Variants in SLC39A3 observed in about 807,000 individuals in gnomAD.
SLC39A3 encodes solute carrier family 39 member 3.
A neutral mutation model predicts 5.1 loss-of-function variants in SLC39A3; 3 were observed. That is an observed-to-expected ratio of 0.59 (90% CI 0.27 to 1.54). The LOEUF is 1.54. Among genes scored for constraint, SLC39A3 ranks in the 40% most tolerant of loss-of-function variants. SLC39A3 has a pLI of 0.12. For synonymous variants in SLC39A3, 250 were observed against 218.8 expected, an observed-to-expected ratio of 1.14 and a Z score of -1.26; for missense variants, 412 against 436.4, an observed-to-expected ratio of 0.94 and a Z score of 0.50.
chr19:2,735,040 G>A lies in SLC39A3; in HGVS notation c.211-1555C>T, dbSNP rs1914317016. ...CCAGCCCGAGGACAGGAGAACGGCG[G>A]GAAAGGTTTGGGTGCCATGAGAAGG... On this transcript the variant is annotated intron_variant, in intron 2 of 2. Transcript: ENST00000269740. The surrounding 1 kb of genome is among the most constrained non-coding windows in gnomAD (Gnocchi z 5.7). 1.0e-6 allele frequency: 1 copy of A among 985,470 alleles called. No individual in the cohort carries two copies. 61.0% of individuals were successfully genotyped at this position (985,470 alleles called of 1,614,324 possible). A position where few individuals can be genotyped will look rare whatever the true frequency, so the allele number is the denominator to read the frequency against.
rs942829626 is a variant in SLC39A3, at chr19:2,733,965, C to T, written c.211-480G>A. On this transcript the variant is annotated intron_variant, in intron 2 of 2. Coordinates refer to ENST00000269740, the MANE Select transcript of SLC39A3 (RefSeq NM_144564.5). This position sits in a 1 kb window ranked among gnomAD's most constrained non-coding sequence, Gnocchi z 6.1. ...CAAAATAAACACATAAAGAGCTGCA[C>T]TGGCCTTGCGTGTTCTGCCGCGGGG... Among the ~76,000 whole-genome samples the T allele has an allele frequency of 7.2e-5, 11 of 152,228 alleles. No individual in the cohort carries two copies. The highest frequency in any genetic ancestry group is 1.9e-4 in the African/African-American group (8 of 41,460).
Position 2,732,948 on chromosome 19 carries a change from TGCCCAG to T in SLC39A3, c.742_747del (p.Leu248_Gly249del). On this transcript the variant is annotated inframe_deletion, in exon 3 of 3. Transcript: ENST00000269740. Reference sequence around the variant, plus strand: ...CCCGGCACGCCCTGGGCGCTCTCAATGCCCAGGCCCAGGCCGATGCCCAGGGGGATC... The same window carrying T: ...CCCGGCACGCCCTGGGCGCTCTCAATGCCCAGGCCGATGCCCAGGGGGATC... 6.2e-7 allele frequency: 1 copy of T among 1,607,724 alleles called. No individual in the cohort carries two copies. The highest frequency in any genetic ancestry group is 8.5e-7 in the Non-Finnish European group (1 of 1,177,238).
chr19:2,736,623 G>T, intron 2 of SLC39A3: 1 of 827,494 alleles, frequency 1.2e-6, no homozygotes, highest in Non-Finnish European at 1.6e-6. Flanking sequence ...CTGAAGCAGT[G>T]CCCAGACCCC....
Position 2,735,647 on chromosome 19 carries a change from C to T in SLC39A3, c.210+1401G>A, listed in dbSNP as rs184937115. ...ACCCCCTCCCTTTTGATGAACTCAG[C>T]GCTAACCGATCTGGGGCGGTCATCA... On this transcript the variant is annotated intron_variant, in intron 2 of 2. Coordinates refer to ENST00000269740, the MANE Select transcript of SLC39A3 (RefSeq NM_144564.5). This position sits in a 1 kb window ranked among gnomAD's most constrained non-coding sequence, Gnocchi z 5.7. The T allele has an allele frequency of 4.2e-5, 8 of 188,930 alleles. No homozygotes were observed. Among genetic ancestry groups the T allele is most frequent in the East Asian group, 1.9e-4 (1 of 5,320 alleles). 11.7% of individuals were successfully genotyped at this position (188,930 alleles called of 1,614,324 possible).
Position 2,735,371 on chromosome 19 carries a change from G to C in SLC39A3, c.210+1677C>G. The C allele has an allele frequency of 4.5e-6, 1 of 220,530 alleles. No homozygotes were observed. Among genetic ancestry groups the C allele is most frequent in the Non-Finnish European group, 7.7e-6 (1 of 130,624 alleles). The allele number at this position is 220,530 out of a possible 1,614,324, so 13.7% of individuals were successfully genotyped here. ...GGCCCTACGCTCCAGGTCTCGCAGG[G>C]TGTCATCAGGGCTGAGATCTCACTG... On this transcript the variant is annotated intron_variant, in intron 2 of 2. Coordinates refer to ENST00000269740, the MANE Select transcript of SLC39A3 (RefSeq NM_144564.5). The surrounding 1 kb of genome is among the most constrained non-coding windows in gnomAD (Gnocchi z 5.7).
chr19:2,735,979 A>G lies in SLC39A3; in HGVS notation c.210+1069T>C, dbSNP rs1914354183. The stretch of plus-strand genomic sequence containing the variant: ...GGGAGGAAGAACAGGGGGTCCTCAT[A>G]TCTCCACCAAGTATGTAACCAACAC... On this transcript the variant is annotated intron_variant, in intron 2 of 2. Coordinates refer to ENST00000269740, the MANE Select transcript of SLC39A3 (RefSeq NM_144564.5). The surrounding 1 kb of genome is among the most constrained non-coding windows in gnomAD (Gnocchi z 5.7). 2 of 985,412 alleles carry G rather than the reference A, an allele frequency of 2.0e-6. No homozygotes were observed. The highest frequency in any genetic ancestry group is 1.7e-5 in the African/African-American group (1 of 57,340). The allele number at this position is 985,412 out of a possible 1,614,324, so 61.0% of individuals were successfully genotyped here. A position where few individuals can be genotyped will look rare whatever the true frequency, so the allele number is the denominator to read the frequency against.
At position 2,735,732 on chromosome 19, in the gene SLC39A3, AG is replaced by A. The variant is rs1482661336; in HGVS notation, c.210+1315del. On this transcript the variant is annotated intron_variant, in intron 2 of 2. Transcript: ENST00000269740. This position sits in a 1 kb window ranked among gnomAD's most constrained non-coding sequence, Gnocchi z 5.7. The stretch of plus-strand genomic sequence containing the variant: ...TAATGGCAGGAGTGACACGCACGGC[AG>A]TCCCAGCCCTACCCACACTCGAGGG... The A allele has an allele frequency of 1.2e-5, 7 of 595,818 alleles. No homozygotes were observed. The highest frequency in any genetic ancestry group is 1.3e-5 in the Non-Finnish European group (6 of 474,800). The allele number at this position is 595,818 out of a possible 1,614,324, so 36.9% of individuals were successfully genotyped here.
In SLC39A3 at chr19:2,733,344, G is replaced by A; in HGVS notation, c.352C>T (p.Leu118=). 1 of 1,613,260 alleles carries A rather than the reference G, an allele frequency of 6.2e-7. No individual in the cohort carries two copies. Residue 118 remains leucine (L), a synonymous_variant, in exon 3 of 3, where the codon CTG becomes TTG. Transcript: ENST00000269740. The surrounding 1 kb of genome is among the most constrained non-coding windows in gnomAD (Gnocchi z 6.1). ...TCCGATCCGGCGTTGAAGGTCTCCA[G>A]GTCGATGAAGGACGGCTTCTCCTTG... The part of the protein sequence containing the change: ...FRKEKPSFID[L]ETFNAGSDVG...
At chr19:2,737,540 G>A (rs954118269) in intron 1 of SLC39A3, 161 bp from the exon 2 acceptor site, 1 of 417,932 alleles carries the variant, frequency 2.4e-6, no homozygotes, top group Non-Finnish European at 4.2e-6. Flanking sequence ...CTAGTAGCTG[G>A]GATTACAGAC....
chr19:2,737,706 C>T (rs1914418545), intron 1 of SLC39A3: 1 of 169,388 alleles, frequency 5.9e-6, no homozygotes, highest in Admixed American at 5.6e-5. Flanking sequence ...TGCACCTGGC[C>T]AGTTCTTCAG....
At position 2,735,990 on chromosome 19, in the gene SLC39A3, G is replaced by C; in HGVS notation, c.210+1058C>G. The stretch of plus-strand genomic sequence containing the variant: ...CAGGGGGTCCTCATATCTCCACCAA[G>C]TATGTAACCAACACAAATTCAATGT... On this transcript the variant is annotated intron_variant, in intron 2 of 2. Coordinates refer to ENST00000269740, the MANE Select transcript of SLC39A3 (RefSeq NM_144564.5). The surrounding 1 kb of genome is among the most constrained non-coding windows in gnomAD (Gnocchi z 5.7). 1.0e-6 allele frequency: 1 copy of C among 985,448 alleles called. No individual in the cohort carries two copies. The highest frequency in any genetic ancestry group is 1.2e-6 in the Non-Finnish European group (1 of 829,976). 61.0% of individuals were successfully genotyped at this position (985,448 alleles called of 1,614,324 possible).
rs188037727 is a variant in SLC39A3 at position 2,734,682 on chromosome 19, C to T, written c.211-1197G>A. On this transcript the variant is annotated intron_variant, in intron 2 of 2. Coordinates refer to ENST00000269740, the MANE Select transcript of SLC39A3 (RefSeq NM_144564.5). This position sits in a 1 kb window ranked among gnomAD's most constrained non-coding sequence, Gnocchi z 4.6. ...CCCACTCCAGGCCAGGAGCACCCCC[C>T]ATCGTGACAACCACAATGTCCCCAG... 3 of 960,366 alleles carry T rather than the reference C, an allele frequency of 3.1e-6. No homozygotes were observed. The African/African-American group carries it at 5.3e-5, about 17-fold the overall frequency. 59.5% of individuals were successfully genotyped at this position (960,366 alleles called of 1,614,324 possible).
rs1250524158 is a variant in SLC39A3 at position 2,734,367 on chromosome 19, G to A, written c.211-882C>T. 1.3e-5 allele frequency among the ~76,000 whole-genome samples: 2 copies of A among 152,072 alleles called. No individual in the cohort carries two copies. Among genetic ancestry groups the A allele is most frequent in the South Asian group, 2.1e-4 (1 of 4,816 alleles). On this transcript the variant is annotated intron_variant, in intron 2 of 2. Coordinates refer to ENST00000269740, the MANE Select transcript of SLC39A3 (RefSeq NM_144564.5). This position sits in a 1 kb window ranked among gnomAD's most constrained non-coding sequence, Gnocchi z 4.6. The stretch of plus-strand genomic sequence containing the variant: ...CCTGCTTCCCTGCTTCCTTCCCAGC[G>A]GAGACTTCATTACAACCTGCGCACG...
chr19:2,736,134 G>C (rs940425415), intron 2 of SLC39A3: 3 of 985,394 alleles, frequency 3.0e-6, no homozygotes, highest in African/African-American at 3.5e-5. Flanking sequence ...TGCTGATATG[G>C]GGGAGCTCAA....
Position 2,733,356 on chromosome 19 carries a change from A to G in SLC39A3, c.340T>C (p.Ser114Pro). 1.2e-6 allele frequency: 2 copies of G among 1,613,266 alleles called. No individual in the cohort carries two copies. Among genetic ancestry groups the G allele is most frequent in the East Asian group, 4.5e-5 (2 of 44,874 alleles). ...TTGAAGGTCTCCAGGTCGATGAAGG[A>G]CGGCTTCTCCTTGCGGAAGGTCAGG... ...LILTFRKEKP[S>P]FIDLETFNAG... The change falls in exon 3 of 3, where the codon TCC (serine) becomes CCC (proline). Residue 114 changes from serine (S) to proline (P), a missense_variant. By Grantham distance (74) the Ser-to-Pro change is moderately conservative. Coordinates refer to ENST00000269740, the MANE Select transcript of SLC39A3 (RefSeq NM_144564.5). The surrounding 1 kb of genome is among the most constrained non-coding windows in gnomAD (Gnocchi z 6.1).
At position 2,735,059 on chromosome 19, in the gene SLC39A3, G is replaced by A. The variant is rs532830482; in HGVS notation, c.211-1574C>T. On this transcript the variant is annotated intron_variant, in intron 2 of 2. Coordinates refer to ENST00000269740, the MANE Select transcript of SLC39A3 (RefSeq NM_144564.5). The surrounding 1 kb of genome is among the most constrained non-coding windows in gnomAD (Gnocchi z 5.7). ...ACGGCGGGAAAGGTTTGGGTGCCAT[G>A]AGAAGGCCACTGTGATGAGGGGGAG... is the stretch of plus-strand genomic sequence containing the variant. The A allele has an allele frequency of 7.1e-6, 7 of 985,442 alleles. No homozygotes were observed. The African/African-American group carries it at 1.0e-4, about 15-fold the overall frequency. 61.0% of individuals were successfully genotyped at this position (985,442 alleles called of 1,614,324 possible).
At position 2,735,076 on chromosome 19, in the gene SLC39A3, G is replaced by A; in HGVS notation, c.211-1591C>T. On this transcript the variant is annotated intron_variant, in intron 2 of 2. Coordinates refer to ENST00000269740, the MANE Select transcript of SLC39A3 (RefSeq NM_144564.5). The surrounding 1 kb of genome is among the most constrained non-coding windows in gnomAD (Gnocchi z 5.7). ...GGTGCCATGAGAAGGCCACTGTGAT[G>A]AGGGGGAGGGAAGAGCAAGCTCCCC... 1.0e-6 allele frequency: 1 copy of A among 985,440 alleles called. No individual in the cohort carries two copies. Among genetic ancestry groups the A allele is most frequent in the Non-Finnish European group, 1.2e-6 (1 of 829,964 alleles). The allele number at this position is 985,440 out of a possible 1,614,324, so 61.0% of individuals were successfully genotyped here.
Position 2,734,771 on chromosome 19 carries a change from G to A in SLC39A3, c.211-1286C>T, listed in dbSNP as rs1043611404. The A allele has an allele frequency of 5.1e-6, 5 of 985,346 alleles. No individual in the cohort carries two copies. The highest frequency in any genetic ancestry group is 6.0e-6 in the Non-Finnish European group (5 of 829,948). The allele number at this position is 985,346 out of a possible 1,614,324, so 61.0% of individuals were successfully genotyped here. A position where few individuals can be genotyped will look rare whatever the true frequency, so the allele number is the denominator to read the frequency against. ...TGAGCCTCTGCTGCAGCAGAAGGCTGTGTTTCCACGGAGAAGCCACTTAAC... is the reference window on the plus strand; with the variant it reads ...TGAGCCTCTGCTGCAGCAGAAGGCTATGTTTCCACGGAGAAGCCACTTAAC... On this transcript the variant is annotated intron_variant, in intron 2 of 2. Coordinates refer to ENST00000269740, the MANE Select transcript of SLC39A3 (RefSeq NM_144564.5). This position sits in a 1 kb window ranked among gnomAD's most constrained non-coding sequence, Gnocchi z 4.6.
chr19:2,735,944 T>A lies in SLC39A3; in HGVS notation c.210+1104A>T. On this transcript the variant is annotated intron_variant, in intron 2 of 2. Coordinates refer to ENST00000269740, the MANE Select transcript of SLC39A3 (RefSeq NM_144564.5). This position sits in a 1 kb window ranked among gnomAD's most constrained non-coding sequence, Gnocchi z 5.7. ...TTGGGGGATAAGCTTAGGGCTTCCA[T>A]GCTTTCGTTGGGAGGAAGAACAGGG... The A allele has an allele frequency of 1.0e-6, 1 of 985,412 alleles. No individual in the cohort carries two copies. Among genetic ancestry groups the A allele is most frequent in the Non-Finnish European group, 1.2e-6 (1 of 829,958 alleles). 61.0% of individuals were successfully genotyped at this position (985,412 alleles called of 1,614,324 possible).
Sources: allele counts gnomAD v4.1 joint callset (sites outside exome capture counted in the v4.1 genomes callset), GRCh38; gene constraint gnomAD v4.1.1; non-coding constraint Gnocchi (gnomAD v3.1); transcripts MANE v1.5; gene names NCBI Gene and HGNC (gene_info 2026-07-23, HGNC 2026-07-21).